The following CYP39A1 variants were observed in gnomAD, a reference collection of about 807,000 sequenced individuals.
CYP39A1 encodes the protein cytochrome P450 family 39 subfamily A member 1.
CYP39A1 carries 49 observed loss-of-function variants against 58.1 expected under a neutral mutation model. That is an observed-to-expected ratio of 0.84 (90% confidence interval 0.67 to 1.07). The LOEUF (loss-of-function observed/expected upper bound fraction) is 1.07, where lower values mean the gene tolerates loss of function less well. CYP39A1 is among the 50% of genes least tolerant of loss of function. CYP39A1 has a pLI of 0.00. For synonymous variants in CYP39A1, 209 were observed against 187.6 expected, an observed-to-expected ratio of 1.11 and a Z score of -0.93; for missense variants, 531 against 539.4, an observed-to-expected ratio of 0.98 and a Z score of 0.16.
rs934349014 is a variant in CYP39A1 at position 46,567,121 on chromosome 6, T to C, written c.1251-13267A>G. ...TATTAATCTTGTAACTGAAAGCTTGTACTCTCTGCCTGATATCTCCAATCC... is the reference window on the plus strand; with the variant it reads ...TATTAATCTTGTAACTGAAAGCTTGCACTCTCTGCCTGATATCTCCAATCC... On this transcript the variant is annotated intron_variant, in intron 10 of 11. Coordinates refer to ENST00000275016, the MANE Select transcript of CYP39A1 (RefSeq NM_016593.5). Among the ~76,000 whole-genome samples the C allele has an allele frequency of 1.3e-5, 2 of 152,156 alleles. 1 individual carries two copies. Among genetic ancestry groups the C allele is most frequent in the Admixed American group, 1.3e-4 (2 of 15,256 alleles).
At chr6:46,570,006 G>C (rs1771495324) in intron 10 of CYP39A1, among the ~76,000 whole-genome samples, 1 of 152,048 alleles carries the variant, frequency 6.6e-6, no homozygotes, top group Admixed American at 6.6e-5. Flanking sequence ...TCTTTGATAG[G>C]AGACTTTTAA....
chr6:46,574,863 C>T (rs1347284942), intron 10 of CYP39A1, among the ~76,000 whole-genome samples: 1 of 151,496 alleles, frequency 6.6e-6, no homozygotes, highest in Non-Finnish European at 1.5e-5. Flanking sequence ...GCCAAGATGG[C>T]CAACTAGATA....
chr6:46,651,531 C>G (rs2150619976), intron 1 of CYP39A1, among the ~76,000 whole-genome samples: 1 of 152,194 alleles, frequency 6.6e-6, no homozygotes, highest in Non-Finnish European at 1.5e-5. Flanking sequence ...TACAGTACAG[C>G]TGGTGTGATA....
intron 8 of CYP39A1, among the ~76,000 whole-genome samples, chr6:46,593,159 T>C (rs893707137): frequency 6.6e-6 from 1 of 152,168 alleles, no homozygotes; most frequent in Admixed American, 6.5e-5. Flanking sequence ...GTTTCTATAT[T>C]AATGTCATAC....
intron 10 of CYP39A1, among the ~76,000 whole-genome samples, chr6:46,565,343 C>A (rs60542739): frequency 0.08 from 12,202 of 151,616 alleles, 820 homozygotes; most frequent in Admixed American, 0.18. Context: ...GGGTACCAAA[C>A]TTTTGATTGG....
At chr6:46,566,992 G>C (rs1167987349) in intron 10 of CYP39A1, among the ~76,000 whole-genome samples, 2 of 149,532 alleles carry the variant, frequency 1.3e-5, no homozygotes, top group East Asian at 1.9e-4. Context: ...TGGGAGAAGT[G>C]GGGGGGTGAG....
chr6:46,589,382 G>C (rs2150513835), intron 8 of CYP39A1, among the ~76,000 whole-genome samples: 2 of 152,242 alleles, frequency 1.3e-5, no homozygotes, highest in Middle Eastern at 6.8e-3. Flanking sequence ...GAGCCCAGGA[G>C]GTTGAGGGTA....
chr6:46,582,711 G>A (rs933245168), intron 10 of CYP39A1, among the ~76,000 whole-genome samples: 2 of 150,394 alleles, frequency 1.3e-5, no homozygotes, highest in African/African-American at 4.9e-5. Flanking sequence ...ATATGGCTAT[G>A]TCTCATTTCC....
chr6:46,597,491 T>C (rs148314065), intron 7 of CYP39A1, among the ~76,000 whole-genome samples: 214 of 152,266 alleles, frequency 1.4e-3, no homozygotes, highest in Non-Finnish European at 2.6e-3. Context: ...TATGAATATA[T>C]TTCTCTAAAA....
chr6:46,571,228 T>C (rs113590505), intron 10 of CYP39A1, among the ~76,000 whole-genome samples: 298 of 152,320 alleles, frequency 2.0e-3, no homozygotes, highest in Non-Finnish European at 3.6e-3. Context: ...TGTATATGTC[T>C]GTTAGGTCCA....
intron 10 of CYP39A1, among the ~76,000 whole-genome samples, chr6:46,565,597 C>T (rs2150488604): frequency 6.6e-6 from 1 of 152,132 alleles, no homozygotes; most frequent in African/African-American, 2.4e-5. Context: ...TTGTGAGTTG[C>T]TTTTCATTTG....
At chr6:46,619,534 A>C (rs1209194116) in intron 7 of CYP39A1, among the ~76,000 whole-genome samples, 1 of 152,048 alleles carries the variant, frequency 6.6e-6, no homozygotes, top group East Asian at 1.9e-4. Flanking sequence ...CCAAGGGCAG[A>C]GTTGGGGAAA....
At chr6:46,633,512 CA>C (rs1354765629) in intron 5 of CYP39A1, among the ~76,000 whole-genome samples, 2 of 152,058 alleles carry the variant, frequency 1.3e-5, no homozygotes, top group Non-Finnish European at 2.9e-5. Context: ...TTGAAGACAA[CA>C]AAATCTTTTA....
chr6:46,575,544 G>A (rs1363181282), intron 10 of CYP39A1, among the ~76,000 whole-genome samples: 1 of 152,176 alleles, frequency 6.6e-6, no homozygotes, highest in African/African-American at 2.4e-5. Flanking sequence ...TTGCCAGTGT[G>A]CACCCACCTG....
chr6:46,561,054 T>C (rs978351325), intron 10 of CYP39A1, among the ~76,000 whole-genome samples: 1 of 152,192 alleles, frequency 6.6e-6, no homozygotes, highest in Non-Finnish European at 1.5e-5. Context: ...GCTCTCTTCC[T>C]ACAAGTAAAT....
At chr6:46,552,745 C>T (rs1770470010) in intron 11 of CYP39A1, among the ~76,000 whole-genome samples, 1 of 152,030 alleles carries the variant, frequency 6.6e-6, no homozygotes. Flanking sequence ...AGTGTGGCAC[C>T]CAGACAAGCA....
intron 10 of CYP39A1, chr6:46,583,402 A>G (rs540209509): frequency 1.6e-5 from 16 of 985,100 alleles, no homozygotes; most frequent in Admixed American, 6.2e-5. Context: ...AAGATCATCA[A>G]CTCTCAGAGG....
chr6:46,570,122 G>A (rs1283720071), intron 10 of CYP39A1, among the ~76,000 whole-genome samples: 1 of 151,832 alleles, frequency 6.6e-6, no homozygotes, highest in Non-Finnish European at 1.5e-5. Flanking sequence ...AGTTTTTCTA[G>A]GTTATCTAAC....
intron 9 of CYP39A1, 110 bp downstream of exon 9, chr6:46,587,924 A>G (rs984963142): frequency 5.2e-6 from 3 of 579,594 alleles, no homozygotes; most frequent in Non-Finnish European, 8.6e-6. Flanking sequence ...TAGTTACGAG[A>G]GAAATATGGC....
Sources: gnomAD v4.1 joint callset for allele counts (sites outside exome capture counted in the v4.1 genomes callset) on GRCh38, gnomAD v4.1.1 for gene constraint, MANE v1.5 for transcripts, NCBI Gene and HGNC (gene_info 2026-07-23, HGNC 2026-07-21) for gene names.